The following ASPRV1 variants were observed in gnomAD, a reference collection of about 807,000 sequenced individuals.
ASPRV1 encodes the protein retroviral-like aspartic protease 1.
ASPRV1 carries 7 observed loss-of-function variants against 11.0 expected under a neutral mutation model. The observed-to-expected ratio is 0.64, with a 90% confidence interval of 0.36 to 1.20. ASPRV1 has a LOEUF of 1.20. Among genes scored for constraint, ASPRV1 ranks in the 50% most tolerant of loss-of-function variants. The probability of loss-of-function intolerance (pLI) is 0.02; values close to 1 mark genes in which losing one functional copy is unlikely to be tolerated. For synonymous variants in ASPRV1, 136 were observed against 138.4 expected, an observed-to-expected ratio of 0.98 and a Z score of 0.12; for missense variants, 299 against 320.0, an observed-to-expected ratio of 0.93 and a Z score of 0.50.
At chr2:70,071,430 G>A in the ASPRV1 span, among the ~76,000 whole-genome samples, 2 of 152,312 alleles carry the variant, frequency 1.3e-5, no homozygotes, top group African/African-American at 4.8e-5. Flanking sequence ...CATTTATTCT[G>A]TATAGTTCCG....
At chr2:69,944,807 C>CT in the ASPRV1 span, among the ~76,000 whole-genome samples, 26 of 152,008 alleles carry the variant, frequency 1.7e-4, no homozygotes, top group Middle Eastern at 3.4e-3. Flanking sequence ...AAGGACCCCC[C>CT]CTCCTCTACT....
chr2:70,075,903 A>G, the ASPRV1 span, among the ~76,000 whole-genome samples: 5 of 152,210 alleles, frequency 3.3e-5, no homozygotes, highest in Middle Eastern at 3.4e-3. Flanking sequence ...GCTTCTCATC[A>G]TTACCAGTCA....
chr2:69,934,474 C>T, the ASPRV1 span, among the ~76,000 whole-genome samples: 2 of 152,252 alleles, frequency 1.3e-5, no homozygotes, highest in Admixed American at 1.3e-4. Flanking sequence ...TCTCCCACTC[C>T]GTGCCATTGC....
chr2:69,978,593 C>G, the ASPRV1 span, among the ~76,000 whole-genome samples: 2 of 152,220 alleles, frequency 1.3e-5, no homozygotes, highest in Admixed American at 6.5e-5. Flanking sequence ...TACAAAAGCC[C>G]TCACAGATTA....
At chr2:69,988,741 C>T in the ASPRV1 span, 4 of 455,866 alleles carry the variant, frequency 8.8e-6, no homozygotes, top group Admixed American at 2.4e-5. Flanking sequence ...ATGGAACTTA[C>T]GTTCTTCTGA....
the ASPRV1 span, among the ~76,000 whole-genome samples, chr2:70,052,459 A>C: frequency 1.3e-5 from 2 of 152,190 alleles, no homozygotes; most frequent in Non-Finnish European, 2.9e-5. Flanking sequence ...CTGGGAGAGT[A>C]GACCAACATC....
chr2:69,976,170 C>T, the ASPRV1 span, among the ~76,000 whole-genome samples: 9 of 152,226 alleles, frequency 5.9e-5, no homozygotes, highest in East Asian at 1.9e-4. Flanking sequence ...CCCAACCCTC[C>T]GGCCACGTGG....
At chr2:70,049,526 A>G in the ASPRV1 span, 1 of 152,118 alleles carries the variant, frequency 6.6e-6, no homozygotes, top group Non-Finnish European at 1.5e-5. Flanking sequence ...CATGTTTATT[A>G]CCATTCAGTA....
chr2:70,054,938 C>CATAT, the ASPRV1 span, among the ~76,000 whole-genome samples: 1 of 152,082 alleles, frequency 6.6e-6, no homozygotes, highest in South Asian at 2.1e-4. Flanking sequence ...TACATACATA[C>CATAT]ATATATATAC....
the ASPRV1 span, chr2:69,976,780 C>T: frequency 6.6e-6 from 1 of 152,304 alleles, no homozygotes; most frequent in South Asian, 2.1e-4. Context: ...TTTCCACCAT[C>T]TCCTGTCACT....
chr2:69,978,157 A>C, the ASPRV1 span, among the ~76,000 whole-genome samples: 1 of 152,270 alleles, frequency 6.6e-6, no homozygotes, highest in South Asian at 2.1e-4. Context: ...CTTGGGGCTT[A>C]AGGCCAGGCA....
chr2:69,964,992 C>G (rs1017077450), upstream of ASPRV1, among the ~76,000 whole-genome samples: 1 of 152,186 alleles, frequency 6.6e-6, no homozygotes, highest in Non-Finnish European at 1.5e-5. Flanking sequence ...CTGGGCCCAT[C>G]GGGCCTCCTG....
chr2:70,001,826 A>G, the ASPRV1 span, among the ~76,000 whole-genome samples: 1 of 152,214 alleles, frequency 6.6e-6, no homozygotes, highest in Admixed American at 6.5e-5. Flanking sequence ...TAATGGACAC[A>G]ATTGTTAATA....
the ASPRV1 span, among the ~76,000 whole-genome samples, chr2:70,001,383 AG>A: frequency 6.6e-6 from 1 of 151,988 alleles, no homozygotes; most frequent in African/African-American, 2.4e-5. Flanking sequence ...TACAAAAGTT[AG>A]CCAATGTGGT....
the ASPRV1 span, among the ~76,000 whole-genome samples, chr2:70,080,125 T>G: frequency 6.6e-6 from 1 of 152,118 alleles, no homozygotes; most frequent in Admixed American, 6.5e-5. Flanking sequence ...CTAACCAGCT[T>G]AACAAAGACC....
At chr2:70,078,550 G>T in the ASPRV1 span, among the ~76,000 whole-genome samples, 1 of 152,176 alleles carries the variant, frequency 6.6e-6, no homozygotes, top group Non-Finnish European at 1.5e-5. Context: ...AAGGGAGAAG[G>T]CCATACTGAC....
chr2:70,054,571 C>A, the ASPRV1 span, among the ~76,000 whole-genome samples: 1 of 145,848 alleles, frequency 6.9e-6, no homozygotes, highest in Non-Finnish European at 1.5e-5. Flanking sequence ...AGCAAGACTC[C>A]GTCTCAATAA....
the ASPRV1 span, chr2:70,051,047 G>C: frequency 6.6e-6 from 1 of 152,060 alleles, no homozygotes; most frequent in African/African-American, 2.4e-5. Context: ...TCAAATAAAT[G>C]AAAATTAAAG....
the ASPRV1 span, among the ~76,000 whole-genome samples, chr2:70,074,499 G>A: frequency 6.6e-6 from 1 of 151,420 alleles, no homozygotes; most frequent in East Asian, 2.0e-4. Context: ...ATATTGGCCA[G>A]GCTCCTGACC....
Sources: gnomAD v4.1 joint callset for allele counts (sites outside exome capture counted in the v4.1 genomes callset) on GRCh38, gnomAD v4.1.1 for gene constraint, MANE v1.5 for transcripts, NCBI Gene and HGNC (gene_info 2026-07-23, HGNC 2026-07-21) for gene names.